Variants in ERI2 observed in about 807,000 individuals in gnomAD.
The protein encoded by ERI2 is ERI1 exoribonuclease 2.
In ERI2, 35 loss-of-function variants were observed where a neutral mutation model predicts 46.8. The observed-to-expected ratio is 0.75, with a 90% CI of 0.57 to 0.99. The LOEUF is 0.99. ERI2 is among the 50% of genes least tolerant of loss of function. The pLI is 0.00. For missense variants in ERI2, 695 were observed against 796.2 expected, an observed-to-expected ratio of 0.87 and a Z score of 1.53; for synonymous variants, 224 against 271.0, an observed-to-expected ratio of 0.83 and a Z score of 1.70.
At chr16:20,803,914 A>C (rs2080821990) in intron 1 of ERI2, among the ~76,000 whole-genome samples, 1 of 152,144 alleles carries the variant, frequency 6.6e-6, no homozygotes, top group Admixed American at 6.5e-5. Context: ...GTGCAGTGGT[A>C]TGATCACCAC....
At chr16:20,781,253 C>A in intron 10 of ERI2, 1 of 1,245,388 alleles carries the variant, frequency 8.0e-7, no homozygotes, top group Non-Finnish European at 1.1e-6. Flanking sequence ...TATGTCACAT[C>A]CAGAAAGTCA....
At chr16:20,781,050 A>G (rs1219334360) in intron 10 of ERI2, 2 of 1,614,218 alleles carry the variant, frequency 1.2e-6, no homozygotes, top group South Asian at 2.2e-5. Context: ...TGCATGGAGT[A>G]GTGTTTTTTC....
In ERI2 at chr16:20,797,706, T is replaced by C; in HGVS notation, c.*18A>G. 2.6e-6 allele frequency: 4 copies of C among 1,513,068 alleles called. No homozygotes were observed. The highest frequency in any genetic ancestry group is 3.5e-6 in the Non-Finnish European group (4 of 1,132,222). The allele number at this position is 1,513,068 out of a possible 1,614,324, so 93.7% of individuals were successfully genotyped here. A position where few individuals can be genotyped will look rare whatever the true frequency, so the allele number is the denominator to read the frequency against. The stretch of plus-strand genomic sequence containing the variant: ...TTGGAAATTCAAGGAACAATTAGGA[T>C]TCATACATGAAAGGTTATCAATTCC... On this transcript the variant is annotated 3_prime_UTR_variant, in exon 9 of 9. Transcript: ENST00000357967.
chr16:20,791,882 C>T (rs1242693474), downstream of ERI2: 14 of 1,170,828 alleles, frequency 1.2e-5, no homozygotes, highest in South Asian at 6.1e-5. Flanking sequence ...AAGCCAAGAT[C>T]GTACTACTGC....
chr16:20,788,736 C>G (rs990741473), intron 10 of ERI2, among the ~76,000 whole-genome samples: 1 of 152,202 alleles, frequency 6.6e-6, no homozygotes, highest in African/African-American at 2.4e-5. Context: ...TCCCCAGACA[C>G]AGAAGATTTT....
At chr16:20,780,830 T>G in intron 10 of ERI2, 2 of 1,614,216 alleles carry the variant, frequency 1.2e-6, no homozygotes, top group African/African-American at 1.3e-5. Flanking sequence ...CACAGCAGTT[T>G]TGGTTTAGGA....
intron 10 of ERI2, among the ~76,000 whole-genome samples, chr16:20,787,539 T>G (rs1387509138): frequency 1.3e-5 from 2 of 152,060 alleles, no homozygotes; most frequent in African/African-American, 2.4e-5. Flanking sequence ...AGATTTGGAG[T>G]GGAACTCTGA....
At chr16:20,800,432 G>T in intron 5 of ERI2, 30 bp from the exon 6 acceptor site, 1 of 1,369,664 alleles carries the variant, frequency 7.3e-7, no homozygotes, top group Non-Finnish European at 1.0e-6. Flanking sequence ...ATAGAACAAA[G>T]TCAATGATGC....
At position 20,798,813 on chromosome 16, in the gene ERI2, A is replaced by G. The variant is rs2080764163; in HGVS notation, c.987T>C (p.Pro329=). The change falls in exon 9 of 9, where the codon CCT becomes CCC. Residue 329 remains proline (P), a synonymous_variant. Transcript: ENST00000357967. ...ASLHNVKSSL[P]LFNTKSSTSV... Reference sequence around the variant, plus strand: ...AAGTAGAGGACTTAGTATTAAAAAGAGGTAAGGAACTTTTGACATTGTGAA... The same window carrying G: ...AAGTAGAGGACTTAGTATTAAAAAGGGGTAAGGAACTTTTGACATTGTGAA... 2 of 1,551,440 alleles carry G rather than the reference A, an allele frequency of 1.3e-6. No homozygotes were observed. The highest frequency in any genetic ancestry group is 2.0e-5 in the Admixed American group (1 of 50,984).
chr16:20,796,473 A>C lies in ERI2; in HGVS notation c.*1251T>G. 27 of 1,613,026 alleles carry C rather than the reference A, an allele frequency of 1.7e-5. No individual in the cohort carries two copies. Among genetic ancestry groups the C allele is most frequent in the Non-Finnish European group, 2.3e-5 (27 of 1,179,776 alleles). On this transcript the variant is annotated 3_prime_UTR_variant, in exon 9 of 9. Coordinates refer to ENST00000357967, the MANE Select transcript of ERI2 (RefSeq NM_001142725.2). ...CATGTTAAAAAAACTACAGCACCTT[A>C]CAAATATCCCAGAAAGGTAGGCATC...
At position 20,800,025 on chromosome 16, in the gene ERI2, C is replaced by T. The variant is rs199813189; in HGVS notation, c.575G>A (p.Arg192Lys). ...GGCACCACTTAGTCCTTTTGGTTTT[C>T]TCCTATAGAAAAGCTAACCAATAAA... Reference protein sequence around the residue: ...LRATYKLFYRRKPKGLSGALQ... With the variant: ...LRATYKLFYRKKPKGLSGALQ... Residue 192 changes from arginine to lysine, a missense_variant, in exon 7 of 9, where the codon AGA (arginine) becomes AAA (lysine). Arg to Lys is a conservative substitution (Grantham distance 26). Coordinates refer to ENST00000357967, the MANE Select transcript of ERI2 (RefSeq NM_001142725.2). 1.3e-5 allele frequency: 20 copies of T among 1,591,588 alleles called. No individual in the cohort carries two copies. Among genetic ancestry groups the T allele is most frequent in the Admixed American group, 1.7e-5 (1 of 58,362 alleles).
At chr16:20,792,303 G>A, downstream of ERI2, 1 of 1,614,114 alleles carries the variant, frequency 6.2e-7, no homozygotes, top group Non-Finnish European at 8.5e-7. Flanking sequence ...AGAGTCAGCT[G>A]TTGTCAGCAG....
rs762728134 is a variant in ERI2, at chr16:20,781,659, C to CTTA, written c.895-928_895-926dup. The CTTA allele has an allele frequency of 4.4e-6, 6 of 1,370,212 alleles. No homozygotes were observed. The South Asian group carries it at 7.0e-5, about 16-fold the overall frequency. 84.9% of individuals were successfully genotyped at this position (1,370,212 alleles called of 1,614,324 possible). ...TGCGTCAACCAAAGACATTTAAGCACTTATTTAAGTTGTAGTAAGACCAAG... is the reference window on the plus strand; with the variant it reads ...TGCGTCAACCAAAGACATTTAAGCACTTATTATTTAAGTTGTAGTAAGACCAAG... On this transcript the variant is annotated intron_variant, in intron 10 of 10. Coordinates refer to the ERI2 transcript ENST00000300005.
chr16:20,791,967 T>G (rs1454283845), downstream of ERI2: 11 of 1,607,304 alleles, frequency 6.8e-6, no homozygotes, highest in Non-Finnish European at 8.5e-6. Context: ...AAGAGTTGGA[T>G]TCACCATAAC....
chr16:20,785,943 A>G (rs2080465019), intron 10 of ERI2: 1 of 539,526 alleles, frequency 1.9e-6, no homozygotes, highest in Non-Finnish European at 3.3e-6. Context: ...ACTACATTCC[A>G]TGAGAGTATA....
rs3213646 is a variant in ERI2 at position 20,798,745 on chromosome 16, T to C, written c.1055A>G (p.Tyr352Cys). The C allele has an allele frequency of 0.53, 827,414 of 1,551,326 alleles. 233,006 individuals carry two copies. The highest frequency in any genetic ancestry group is 0.59 in the Non-Finnish European group (675,400 of 1,146,792). The change falls in exon 9 of 9, where the codon TAT becomes TGT. Residue 352 changes from tyrosine to cysteine, a missense_variant. Physicochemically the swap from Tyr to Cys is radical, Grantham distance 194. Coordinates refer to ENST00000357967, the MANE Select transcript of ERI2 (RefSeq NM_001142725.2). ...TTCATTTTTTCCTTGCTTTTGCATA[T>C]AGATAGGTGAATTCAAGGTAGGAGA... ...LQSPTLNSPI[Y>C]MQKQGKNEHL...
In ERI2 at chr16:20,800,425, G is replaced by A. The variant is rs148731335; in HGVS notation, c.461-23C>T. ...AGTCTGCATTAGGTACATTAAAATA[G>A]AACAAAGTCAATGATGCCAGCATTT... On this transcript the variant is annotated intron_variant, in intron 5 of 8. Coordinates refer to ENST00000357967, the MANE Select transcript of ERI2 (RefSeq NM_001142725.2). The A allele has an allele frequency of 2.5e-4, 370 of 1,452,428 alleles. 1 individual carries two copies. In the African/African-American group the frequency reaches 4.8e-3, roughly 19 times the overall value. 90.0% of individuals were successfully genotyped at this position (1,452,428 alleles called of 1,614,324 possible).
intron 1 of ERI2, 67 bp downstream of exon 1, chr16:20,806,341 G>T: frequency 6.5e-7 from 1 of 1,542,950 alleles, no homozygotes. Flanking sequence ...GCCGTGCCCT[G>T]CTCTGCGGCC....
At position 20,796,607 on chromosome 16, in the gene ERI2, A is replaced by C. The variant is rs2152493847; in HGVS notation, c.*1117T>G. 1.3e-6 allele frequency: 2 copies of C among 1,543,460 alleles called. No homozygotes were observed. The highest frequency in any genetic ancestry group is 4.7e-5 in the East Asian group (2 of 42,732). On this transcript the variant is annotated 3_prime_UTR_variant, in exon 9 of 9. Transcript: ENST00000357967. ...TGCTGCACCACATGTCCCAAACTGA[A>C]CTGATGACATATGGGTAAGAATCAG...
Sources: gnomAD v4.1 joint callset for allele counts (sites outside exome capture counted in the v4.1 genomes callset) on GRCh38, gnomAD v4.1.1 for gene constraint, MANE v1.5 for transcripts, NCBI Gene and HGNC (gene_info 2026-07-23, HGNC 2026-07-21) for gene names.